The following AREL1 variants were observed in gnomAD, a reference collection of about 807,000 sequenced individuals.
AREL1 encodes apoptosis resistant E3 ubiquitin protein ligase 1, also known as apoptosis-resistant E3 ubiquitin protein ligase 1.
In AREL1, 62 loss-of-function variants were observed where a neutral mutation model predicts 99.0. The ratio of observed to expected loss-of-function variants is 0.63; its 90% CI spans 0.51 to 0.77. The LOEUF is 0.77. AREL1 is among the 30% of genes least tolerant of loss of function. AREL1 has a pLI of 0.00. For synonymous variants in AREL1, 380 were observed against 376.5 expected (o/e 1.01, Z -0.11); for missense variants, 879 against 1,027.6 (o/e 0.86, Z 1.98).
intron 1 of AREL1, among the ~76,000 whole-genome samples, chr14:74,707,825 C>T (rs1386731412): frequency 3.0e-4 from 36 of 118,764 alleles, no homozygotes; most frequent in African/African-American, 1.0e-3. Flanking sequence ...GGTATGGTGG[C>T]GGGCGCCTAT....
At chr14:74,712,879 C>CTCTG (rs2090341817) in intron 1 of AREL1, 54 bp downstream of exon 1, 4 of 547,962 alleles carry the variant, frequency 7.3e-6, no homozygotes, top group Non-Finnish European at 1.4e-5. Context: ...CTCTCTGGAA[C>CTCTG]TCTGGTAAAG....
rs1406253169 is a variant in AREL1, at chr14:74,664,874, C to A, written c.2155G>T (p.Ala719Ser). The change falls in exon 18 of 20, where the codon GCA (alanine) becomes TCA (serine). Residue 719 changes from alanine (A) to serine (S), a missense_variant. Coordinates refer to ENST00000356357, the MANE Select transcript of AREL1 (RefSeq NM_001039479.2). ...DISVSDFKAH[A>S]VVVGGSWHFR... ...TGCCATGAGCCACCAACAACTACTG[C>A]ATGGGCTTTGAAGTCAGACACACTG... The A allele has an allele frequency of 6.2e-7, 1 of 1,613,784 alleles. No homozygotes were observed. Among genetic ancestry groups the A allele is most frequent in the African/African-American group, 1.3e-5 (1 of 74,904 alleles).
In AREL1 at chr14:74,678,997, T is replaced by C. The variant is rs545837241; in HGVS notation, c.482-2245A>G. Reference sequence around the variant, plus strand: ...CCTCAACCTCCTGGGCTTGTTATCCTACCACCTCACTTCTCCACCCTACTC... The same window carrying C: ...CCTCAACCTCCTGGGCTTGTTATCCCACCACCTCACTTCTCCACCCTACTC... On this transcript the variant is annotated intron_variant, in intron 5 of 19. Transcript: ENST00000356357. Among the ~76,000 whole-genome samples the C allele has an allele frequency of 1.4e-3, 207 of 152,264 alleles. No homozygotes were observed. In the Middle Eastern group the frequency reaches 0.017, roughly 13 times the overall value.
intron 13 of AREL1, 81 bp downstream of exon 13, chr14:74,670,676 CCAGAT>C (rs1417441377): frequency 2.6e-6 from 3 of 1,136,510 alleles, no homozygotes; most frequent in Admixed American, 2.0e-5. Flanking sequence ...TGTCAGGTTC[CCAGAT>C]CAGTTTCATA....
At position 74,692,123 on chromosome 14, in the gene AREL1, T is replaced by A. The variant is rs2089894983; in HGVS notation, c.-128A>T. The A allele has an allele frequency of 4.5e-6, 2 of 442,322 alleles. No individual in the cohort carries two copies. The highest frequency in any genetic ancestry group is 8.9e-6 in the Non-Finnish European group (2 of 223,710). 27.4% of individuals were successfully genotyped at this position (442,322 alleles called of 1,614,324 possible). On this transcript the variant is annotated 5_prime_UTR_variant, in exon 2 of 20. The change creates a premature stop within an existing upstream ORF in the 5' untranslated region. Coordinates refer to ENST00000356357, the MANE Select transcript of AREL1 (RefSeq NM_001039479.2). ...AGGTAACTTTTGGCCCCTTTCACCT[T>A]GTCTTCCAACTTCCACATGAAAGAA...
rs2089492435 is a variant in AREL1, at chr14:74,676,848, G to C, written c.482-96C>G. 6.9e-6 allele frequency: 7 copies of C among 1,009,382 alleles called. No homozygotes were observed. The East Asian group carries it at 1.9e-4, about 28-fold the overall frequency. 62.5% of individuals were successfully genotyped at this position (1,009,382 alleles called of 1,614,324 possible). ...GTCTCGCTCTTTCGCCCAGGCTGGA[G>C]TGCAGTGGCGCAATCTCGGCTCACT... is the stretch of plus-strand genomic sequence containing the variant. On this transcript the variant is annotated intron_variant, in intron 5 of 19. Coordinates refer to ENST00000356357, the MANE Select transcript of AREL1 (RefSeq NM_001039479.2).
rs2089107682 is a variant in AREL1, at chr14:74,662,569, A to C, written c.*1151T>G. ...AACCTAATAAGCTTCCTCCCTCCTT[A>C]GTTCTCCTTCCTGATAACTGATGGA... is the stretch of plus-strand genomic sequence containing the variant. On this transcript the variant is annotated 3_prime_UTR_variant, in exon 20 of 20. Coordinates refer to ENST00000356357, the MANE Select transcript of AREL1 (RefSeq NM_001039479.2). 2.5e-6 allele frequency: 1 copy of C among 398,566 alleles called. No homozygotes were observed. The highest frequency in any genetic ancestry group is 3.6e-5 in the East Asian group (1 of 28,076). The allele number at this position is 398,566 out of a possible 1,614,324, so 24.7% of individuals were successfully genotyped here.
intron 5 of AREL1, among the ~76,000 whole-genome samples, chr14:74,681,905 T>C (rs1489029374): frequency 6.6e-6 from 1 of 152,222 alleles, no homozygotes; most frequent in African/African-American, 2.4e-5. Context: ...AACCTGGCTG[T>C]TATACTGTAC....
In AREL1 at chr14:74,708,046, T is replaced by C. The variant is rs189808145; in HGVS notation, c.-334+4887A>G. 3.3e-5 allele frequency among the ~76,000 whole-genome samples: 5 copies of C among 151,962 alleles called. No individual in the cohort carries two copies. In the East Asian group the frequency reaches 7.7e-4, roughly 23 times the overall value. On this transcript the variant is annotated intron_variant, in intron 1 of 19. Coordinates refer to ENST00000356357, the MANE Select transcript of AREL1 (RefSeq NM_001039479.2). ...TTTGGGTATAGAAAAAGGAAATTAG[T>C]GGAGAAACTTGTGAAATCCAAATAA...
intron 1 of AREL1, among the ~76,000 whole-genome samples, chr14:74,700,088 G>A (rs1343148096): frequency 6.6e-6 from 1 of 152,226 alleles, no homozygotes; most frequent in Non-Finnish European, 1.5e-5. Flanking sequence ...GAGATTCCAT[G>A]TGGAAAAAAC....
intron 12 of AREL1, 87 bp downstream of exon 12, chr14:74,671,321 C>CTTTTTTT (rs34340758): frequency 7.9e-5 from 10 of 125,870 alleles, no homozygotes; most frequent in African/African-American, 2.9e-4. Context: ...GTAAGAGTTG[C>CTTTTTTT]TTTTTTTTTT....
intron 2 of AREL1, chr14:74,691,295 G>A (rs1393320119): frequency 6.9e-6 from 1 of 145,310 alleles, no homozygotes; most frequent in Non-Finnish European, 1.5e-5. Context: ...ACTCCAGCCT[G>A]GTTGACAGAG....
chr14:74,686,850 G>A (rs139511611), intron 2 of AREL1, among the ~76,000 whole-genome samples: 1 of 152,298 alleles, frequency 6.6e-6, no homozygotes, highest in East Asian at 1.9e-4. Flanking sequence ...CATTAGAATT[G>A]TCACGTGGAT....
chr14:74,670,659 C>A, intron 13 of AREL1, 103 bp downstream of exon 13: 1 of 905,186 alleles, frequency 1.1e-6, no homozygotes, highest in East Asian at 2.6e-5. Flanking sequence ...AAGAATAGGA[C>A]ACAGGTTGTC....
chr14:74,672,829 A>G lies in AREL1; in HGVS notation c.1422+2T>C, dbSNP rs2089380418. 12 of 1,614,168 alleles carry G rather than the reference A, an allele frequency of 7.4e-6. No individual in the cohort carries two copies. The highest frequency in any genetic ancestry group is 1.0e-5 in the Non-Finnish European group (12 of 1,180,010). Reference sequence around the variant, plus strand: ...TGCTGACAGAGATGAAATTTTACCTACCGATTCCAACAAGGCATGTCTGCT... The same window carrying G: ...TGCTGACAGAGATGAAATTTTACCTGCCGATTCCAACAAGGCATGTCTGCT... On this transcript the variant is annotated splice_donor_variant, in intron 11 of 19. Transcript: ENST00000356357. LOFTEE classifies it high-confidence loss of function.
chr14:74,669,029 A>G (rs1270075799), intron 15 of AREL1, among the ~76,000 whole-genome samples: 2 of 151,998 alleles, frequency 1.3e-5, no homozygotes, highest in Non-Finnish European at 2.9e-5. Flanking sequence ...CCCAGTAGCT[A>G]GGACCACAGG....
intron 1 of AREL1, among the ~76,000 whole-genome samples, chr14:74,709,573 C>T (rs143404443): frequency 1.8e-4 from 27 of 152,226 alleles, no homozygotes; most frequent in African/African-American, 6.3e-4. Context: ...AATGACCAAG[C>T]GGCAGTAATC....
intron 1 of AREL1, among the ~76,000 whole-genome samples, chr14:74,693,034 G>A (rs1390931784): frequency 6.6e-6 from 1 of 152,066 alleles, no homozygotes; most frequent in Non-Finnish European, 1.5e-5. Context: ...CAGACTTAAA[G>A]AGTAACCTTC....
intron 1 of AREL1, among the ~76,000 whole-genome samples, chr14:74,703,129 T>A (rs1327663517): frequency 1.3e-5 from 2 of 152,162 alleles, no homozygotes; most frequent in Non-Finnish European, 1.5e-5. Flanking sequence ...TTTACTCTAT[T>A]AGTCCATTTT....
Sources: gnomAD v4.1 joint callset for allele counts (sites outside exome capture counted in the v4.1 genomes callset) on GRCh38, gnomAD v4.1.1 for gene constraint, MANE v1.5 for transcripts, NCBI Gene and HGNC (gene_info 2026-07-23, HGNC 2026-07-21) for gene names.